Variants in TAFA4 observed in about 807,000 individuals in gnomAD.
TAFA4 encodes the protein TAFA chemokine like family member 4, also known as chemokine-like protein TAFA-4.
A neutral mutation model predicts 21.1 loss-of-function variants in TAFA4; 20 were observed. The ratio of observed to expected loss-of-function variants is 0.95; its 90% CI spans 0.67 to 1.38. The LOEUF (loss-of-function observed/expected upper bound fraction) is 1.38. Among genes scored for constraint, TAFA4 ranks in the 40% most tolerant of loss-of-function variants. The probability of loss-of-function intolerance (pLI) is 0.00; values close to 1 mark genes in which losing one functional copy is unlikely to be tolerated. For missense variants in TAFA4, 211 were observed against 180.9 expected (o/e 1.17, Z -0.95); for synonymous variants, 71 against 67.4 (o/e 1.05, Z -0.26).
chr3:68,803,944 C>T (rs1169185692), intron 3 of TAFA4, among the ~76,000 whole-genome samples: 3 of 151,520 alleles, frequency 2.0e-5, no homozygotes, highest in Non-Finnish European at 2.9e-5. Flanking sequence ...TGTGCCACCA[C>T]ACCTGGCTAA....
rs184036775 is a variant in TAFA4, at chr3:68,747,131, A to T, written c.286+5732T>A. On this transcript the variant is annotated intron_variant, in intron 4 of 5. Transcript: ENST00000295569. ...ACCTGCTCAAAGCTCTTACTTACGA[A>T]AATAATTCTAATCCATGATAAACAC... 2.3e-3 allele frequency among the ~76,000 whole-genome samples: 353 copies of T among 152,292 alleles called. 1 individual carries two copies. Among genetic ancestry groups the T allele is most frequent in the African/African-American group, 8.0e-3 (331 of 41,558 alleles).
At chr3:68,787,486 C>T (rs1482066815) in intron 3 of TAFA4, among the ~76,000 whole-genome samples, 3 of 152,056 alleles carry the variant, frequency 2.0e-5, no homozygotes, top group African/African-American at 4.8e-5. Flanking sequence ...ATATAATAAG[C>T]CTCTCAGGCA....
chr3:68,912,563 C>T (rs1014612731), intron 1 of TAFA4, among the ~76,000 whole-genome samples: 1 of 152,176 alleles, frequency 6.6e-6, no homozygotes, highest in Non-Finnish European at 1.5e-5. Flanking sequence ...ACCAGATGAG[C>T]GAGCGAGCGG....
intron 3 of TAFA4, among the ~76,000 whole-genome samples, chr3:68,843,132 C>T (rs79286025): frequency 6.6e-6 from 1 of 152,124 alleles, no homozygotes; most frequent in Admixed American, 6.5e-5. Flanking sequence ...GGCAGTATGG[C>T]CATTTTCACA....
chr3:68,785,548 C>T (rs370923736), intron 3 of TAFA4, among the ~76,000 whole-genome samples: 1 of 152,220 alleles, frequency 6.6e-6, no homozygotes, highest in South Asian at 2.1e-4. Context: ...CAGGGCCGGC[C>T]GGCCGCTCCT....
At chr3:68,744,121 T>C (rs1169038120) in intron 4 of TAFA4, among the ~76,000 whole-genome samples, 1 of 152,220 alleles carries the variant, frequency 6.6e-6, no homozygotes, top group African/African-American at 2.4e-5. Context: ...AGACTAACTT[T>C]CTTCCACTCA....
At chr3:68,875,367 G>A (rs955966691) in intron 3 of TAFA4, among the ~76,000 whole-genome samples, 1 of 152,036 alleles carries the variant, frequency 6.6e-6, no homozygotes, top group African/African-American at 2.4e-5. Flanking sequence ...GCTGCAGTGG[G>A]CCCTCTGTGT....
chr3:68,885,346 AT>A, intron 1 of TAFA4, 36 bp from the exon 2 acceptor site: 1 of 607,462 alleles, frequency 1.6e-6, no homozygotes, highest in Non-Finnish European at 2.9e-6. Flanking sequence ...AAAGGAATCA[AT>A]TAGCATTTTA....
At chr3:68,930,776 G>A (rs1428348863) in intron 1 of TAFA4, among the ~76,000 whole-genome samples, 1 of 152,140 alleles carries the variant, frequency 6.6e-6, no homozygotes, top group Admixed American at 6.5e-5. Flanking sequence ...ACACTGATAT[G>A]ACTATAAACT....
chr3:68,922,418 T>A (rs73835369), intron 1 of TAFA4, among the ~76,000 whole-genome samples: 4,201 of 152,246 alleles, frequency 0.028, 197 homozygotes, highest in African/African-American at 0.095. Context: ...AGATCGATCA[T>A]GTAAAATCAA....
chr3:68,880,603 C>CA (rs1487931293), intron 3 of TAFA4, 127 bp downstream of exon 3: 2 of 697,698 alleles, frequency 2.9e-6, no homozygotes, highest in Non-Finnish European at 2.5e-6. Context: ...CGCCATATTT[C>CA]ATGCTTCCTC....
chr3:68,773,675 G>C (rs570386103), intron 3 of TAFA4, among the ~76,000 whole-genome samples: 59 of 152,190 alleles, frequency 3.9e-4, no homozygotes, highest in Non-Finnish European at 7.2e-4. Flanking sequence ...CAAATTCCAA[G>C]GGTTTTCAAA....
intron 3 of TAFA4, among the ~76,000 whole-genome samples, chr3:68,845,564 A>C (rs1024473491): frequency 1.3e-5 from 2 of 152,170 alleles, no homozygotes; most frequent in Admixed American, 6.5e-5. Context: ...TGTCATTATG[A>C]TGCTAGCTGG....
chr3:68,768,640 C>T lies in TAFA4; in HGVS notation c.131-15622G>A, dbSNP rs139395151. 8.1e-4 allele frequency among the ~76,000 whole-genome samples: 123 copies of T among 152,278 alleles called. 4 individuals are homozygous for T. The East Asian group carries it at 0.022, about 28-fold the overall frequency. Reference sequence around the variant, plus strand: ...TAAAATCATATGCCAAAAAAAATAGCTGCAGTGTTTACTGCAATAGCATGA... The same window carrying T: ...TAAAATCATATGCCAAAAAAAATAGTTGCAGTGTTTACTGCAATAGCATGA... On this transcript the variant is annotated intron_variant, in intron 3 of 5. Transcript: ENST00000295569.
intron 1 of TAFA4, among the ~76,000 whole-genome samples, chr3:68,930,948 G>A (rs1387594572): frequency 6.6e-6 from 1 of 152,092 alleles, no homozygotes; most frequent in African/African-American, 2.4e-5. Context: ...TTCCTGAACT[G>A]GGCTCTGACA....
intron 3 of TAFA4, among the ~76,000 whole-genome samples, chr3:68,870,930 C>A (rs1267805672): frequency 2.6e-5 from 4 of 152,146 alleles, no homozygotes; most frequent in African/African-American, 7.2e-5. Flanking sequence ...TTTTTTATGG[C>A]TGCATAGTAT....
intron 3 of TAFA4, among the ~76,000 whole-genome samples, chr3:68,762,469 A>G (rs1320710228): frequency 6.6e-6 from 1 of 152,216 alleles, no homozygotes; most frequent in Non-Finnish European, 1.5e-5. Flanking sequence ...GGAAATGGGT[A>G]GAGCATCAAA....
chr3:68,831,350 C>T (rs1230960127), intron 3 of TAFA4, among the ~76,000 whole-genome samples: 1 of 152,114 alleles, frequency 6.6e-6, no homozygotes, highest in African/African-American at 2.4e-5. Context: ...ATGTTTAGTG[C>T]TTCCTTCAGG....
chr3:68,753,629 A>G (rs759646520), intron 3 of TAFA4, among the ~76,000 whole-genome samples: 3 of 152,108 alleles, frequency 2.0e-5, no homozygotes, highest in Non-Finnish European at 4.4e-5. Flanking sequence ...AGCCACCGTC[A>G]CTGGCCAACT....
Sources: allele counts gnomAD v4.1 joint callset (sites outside exome capture counted in the v4.1 genomes callset), GRCh38; gene constraint gnomAD v4.1.1; transcripts MANE v1.5; gene names NCBI Gene and HGNC (gene_info 2026-07-23, HGNC 2026-07-21).